ADD2: variants seen among roughly 807,000 people sequenced by gnomAD.
ADD2 encodes adducin 2, also known as beta-adducin.
In ADD2, 23 loss-of-function variants were observed where a neutral mutation model predicts 83.0. The ratio of observed to expected loss-of-function variants is 0.28; its 90% confidence interval spans 0.20 to 0.39. The LOEUF (loss-of-function observed/expected upper bound fraction) is 0.39, where lower values mean the gene tolerates loss of function less well. ADD2 is among the 10% of genes least tolerant of loss of function. The pLI, the probability that ADD2 is intolerant of heterozygous loss-of-function variation, is 1.00. For synonymous variants in ADD2, 375 were observed against 375.4 expected (o/e 1.00, Z 0.01); for missense variants, 758 against 944.9 (o/e 0.80, Z 2.59).
chr2:70,726,149 G>T (rs2016914), intron 1 of ADD2, among the ~76,000 whole-genome samples: 95,901 of 142,620 alleles, frequency 0.67, 33,747 homozygotes, highest in East Asian at 0.9. Context: ...ATCCCGCCAC[G>T]GCACTCCAGC....
chr2:70,713,410 G>C (rs1291485858), intron 1 of ADD2, among the ~76,000 whole-genome samples: 3 of 152,120 alleles, frequency 2.0e-5, no homozygotes, highest in Non-Finnish European at 2.9e-5. Flanking sequence ...CAAGAGATCG[G>C]GACCATCCAG....
rs1675390927 is a variant in ADD2, at chr2:70,657,263, A to G, written c.*6162T>C. 1 of 152,176 alleles carries G rather than the reference A, an allele frequency of 6.6e-6. No individual in the cohort carries two copies. Among genetic ancestry groups the G allele is most frequent in the African/African-American group, 2.4e-5 (1 of 41,442 alleles). 9.4% of individuals were successfully genotyped at this position (152,176 alleles called of 1,614,324 possible). On this transcript the variant is annotated 3_prime_UTR_variant, in exon 16 of 16. Transcript: ENST00000264436. The stretch of plus-strand genomic sequence containing the variant: ...CAATGTATGTACAAGGGAAGACAGT[A>G]AGTACTCTTGCGTGACGATTGTCAG...
At chr2:70,691,710 T>C (rs1671044380) in intron 7 of ADD2, 1 of 152,154 alleles carries the variant, frequency 6.6e-6, no homozygotes, top group South Asian at 2.1e-4. Flanking sequence ...CACAAATACA[T>C]CTTCACATCT....
In ADD2 at chr2:70,753,046, G is replaced by A. The variant is rs74925367; in HGVS notation, c.-154+14840C>T. Among the ~76,000 whole-genome samples, 1,122 of 152,292 alleles carry A rather than the reference G, an allele frequency of 7.4e-3. 12 individuals are homozygous for A. Among genetic ancestry groups the A allele is most frequent in the African/African-American group, 0.026 (1,076 of 41,546 alleles). The stretch of plus-strand genomic sequence containing the variant: ...CCCAAAAGAGTTCACCAGAAAGAGT[G>A]TATAAGGAAGACAAAGTGGTGCAGG... On this transcript the variant is annotated intron_variant, in intron 1 of 15. Coordinates refer to ENST00000264436, the MANE Select transcript of ADD2 (RefSeq NM_001617.4).
At chr2:70,751,238 T>C (rs1674492606) in intron 1 of ADD2, among the ~76,000 whole-genome samples, 1 of 152,186 alleles carries the variant, frequency 6.6e-6, no homozygotes. Flanking sequence ...TGTTTCAGTA[T>C]ATAACAGTTG....
intron 15 of ADD2, among the ~76,000 whole-genome samples, chr2:70,664,770 T>TCC (rs1553365805): frequency 4.0e-4 from 50 of 124,510 alleles, no homozygotes; most frequent in African/African-American, 1.4e-3. Context: ...GGTGTGCAAG[T>TCC]GTGAGTGGGC....
At chr2:70,725,904 A>C (rs551588404) in intron 1 of ADD2, among the ~76,000 whole-genome samples, 98 of 152,238 alleles carry the variant, frequency 6.4e-4, no homozygotes, top group African/African-American at 2.3e-3. Context: ...GCTGGTCCAC[A>C]AACCATACTT....
chr2:70,661,474 C>T lies in ADD2; in HGVS notation c.*1951G>A, dbSNP rs1330878345. 3 of 152,158 alleles carry T rather than the reference C, an allele frequency of 2.0e-5. No homozygotes were observed. Among genetic ancestry groups the T allele is most frequent in the Admixed American group, 1.3e-4 (2 of 15,266 alleles). 9.4% of individuals were successfully genotyped at this position (152,158 alleles called of 1,614,324 possible). A position where few individuals can be genotyped will look rare whatever the true frequency, so the allele number is the denominator to read the frequency against. On this transcript the variant is annotated 3_prime_UTR_variant, in exon 16 of 16. Transcript: ENST00000264436. The stretch of plus-strand genomic sequence containing the variant: ...AATTTGACCCAATCAGGAAGTAGAA[C>T]AGAGATGGAGCCTGGGGTAGCAGTT...
chr2:70,715,381 C>CGTTG (rs1406493400), intron 1 of ADD2, among the ~76,000 whole-genome samples: 1 of 152,206 alleles, frequency 6.6e-6, no homozygotes, highest in Non-Finnish European at 1.5e-5. Flanking sequence ...CTAGCACATG[C>CGTTG]GTTGAGAACC....
At chr2:70,704,263 T>TGCCCCCCCCCCCCCCCCCCCCCCCCCCCC in intron 4 of ADD2, 58 bp downstream of exon 4, 2 of 913,238 alleles carry the variant, frequency 2.2e-6, no homozygotes, top group African/African-American at 1.7e-5. Context: ...CTCCCTCTCT[T>TGCCCCCCCCCCCCCCCCCCCCCCCCCCCC]CCCCACCCCA....
rs1553374525 is a variant in ADD2, at chr2:70,706,444, T to A, written c.-34-2A>T. 6.3e-7 allele frequency: 1 copy of A among 1,580,742 alleles called. No individual in the cohort carries two copies. The highest frequency in any genetic ancestry group is 1.1e-5 in the South Asian group (1 of 88,092). On this transcript the variant is annotated splice_acceptor_variant, in intron 2 of 15. Transcript: ENST00000264436. LOFTEE classifies it low-confidence loss of function (5UTR_SPLICE). This position sits in a 1 kb window ranked among gnomAD's most constrained non-coding sequence, Gnocchi z 5.0. ...GGTTTGCAATTCGCTCCTGGAACTC[T>A]ACAGAGAAGGGGAGAGGGTATGCGG...
intron 10 of ADD2, among the ~76,000 whole-genome samples, chr2:70,680,276 AG>A (rs1670391182): frequency 6.6e-6 from 1 of 152,154 alleles, no homozygotes; most frequent in Non-Finnish European, 1.5e-5. Flanking sequence ...CCAGATGGCA[AG>A]TAGTCTATCT....
intron 10 of ADD2, 40 bp from the exon 11 acceptor site, chr2:70,679,001 A>G: frequency 6.4e-7 from 1 of 1,556,684 alleles, no homozygotes; most frequent in African/African-American, 1.4e-5. Context: ...GGGGTGAGAA[A>G]AAAGGCCTGT....
intron 4 of ADD2, among the ~76,000 whole-genome samples, chr2:70,699,287 A>C (rs1474859798): frequency 6.6e-6 from 1 of 152,368 alleles, no homozygotes; most frequent in African/African-American, 2.4e-5. Context: ...GATTATGGGG[A>C]AAGTTCATAT....
At chr2:70,669,805 G>A (rs1669826965) in intron 15 of ADD2, among the ~76,000 whole-genome samples, 1 of 152,202 alleles carries the variant, frequency 6.6e-6, no homozygotes, top group African/African-American at 2.4e-5. Context: ...AACCCTGATG[G>A]AAAAACATGT....
intron 1 of ADD2, among the ~76,000 whole-genome samples, chr2:70,737,787 C>T (rs1673659617): frequency 6.6e-6 from 1 of 152,098 alleles, no homozygotes. Context: ...TCATCCAAGT[C>T]CCCCTGTTCT....
chr2:70,697,318 G>A (rs1227681567), intron 4 of ADD2, among the ~76,000 whole-genome samples: 5 of 152,222 alleles, frequency 3.3e-5, no homozygotes, highest in African/African-American at 1.2e-4. Flanking sequence ...TTAGCTATAC[G>A]GTGGTTCTTT....
chr2:70,768,054 CCAG>C lies in ADD2; in HGVS notation c.-325_-323del. 2.2e-6 allele frequency: 3 copies of C among 1,368,826 alleles called. No homozygotes were observed. Among genetic ancestry groups the C allele is most frequent in the Non-Finnish European group, 2.0e-6 (2 of 1,022,590 alleles). The allele number at this position is 1,368,826 out of a possible 1,614,324, so 84.8% of individuals were successfully genotyped here. A position where few individuals can be genotyped will look rare whatever the true frequency, so the allele number is the denominator to read the frequency against. ...CTCGTCAGAGCTGCTGGGAGATCCC[CCAG>C]CAGTGCAGCGGCTCCGCGGCGGCGG... On this transcript the variant is annotated 5_prime_UTR_variant, in exon 1 of 16. Coordinates refer to ENST00000264436, the MANE Select transcript of ADD2 (RefSeq NM_001617.4).
At chr2:70,675,391 G>A in intron 13 of ADD2, 1 of 985,682 alleles carries the variant, frequency 1.0e-6, no homozygotes, top group Non-Finnish European at 1.2e-6. Context: ...AGGTTCCTGA[G>A]TCTCAGATCT....
Sources: allele counts gnomAD v4.1 joint callset (sites outside exome capture counted in the v4.1 genomes callset), GRCh38; gene constraint gnomAD v4.1.1; non-coding constraint Gnocchi (gnomAD v3.1); transcripts MANE v1.5; gene names NCBI Gene and HGNC (gene_info 2026-07-23, HGNC 2026-07-21).